The following STX18 variants were observed in gnomAD, a reference collection of about 807,000 sequenced individuals.
STX18 encodes the protein syntaxin-18.
A neutral mutation model predicts 50.1 loss-of-function variants in STX18; 40 were observed. The observed-to-expected ratio is 0.80, with a 90% CI of 0.62 to 1.04. The LOEUF (loss-of-function observed/expected upper bound fraction) is 1.04. Ranked by LOEUF, STX18 falls within the 50% of genes least tolerant of loss-of-function variation. STX18 has a pLI of 0.00. For missense variants in STX18, 410 were observed against 415.8 expected (o/e 0.99, Z 0.12); for synonymous variants, 158 against 151.8 (o/e 1.04, Z -0.30).
chr4:4,525,525 G>A (rs1208162207), intron 1 of STX18, among the ~76,000 whole-genome samples: 1 of 152,150 alleles, frequency 6.6e-6, no homozygotes, highest in African/African-American at 2.4e-5. Context: ...TGCCATGTAT[G>A]AATCCCTACT....
chr4:4,462,491 CAG>C (rs778025577), intron 2 of STX18, among the ~76,000 whole-genome samples: 55 of 152,164 alleles, frequency 3.6e-4, no homozygotes, highest in Middle Eastern at 3.2e-3. Flanking sequence ...GGGACCAAAA[CAG>C]GGGGTGGAGT....
chr4:4,459,089 C>A (rs963014164), intron 3 of STX18, among the ~76,000 whole-genome samples: 1 of 150,108 alleles, frequency 6.7e-6, no homozygotes, highest in Non-Finnish European at 1.5e-5. Context: ...CACACACACA[C>A]AAATTTGTCT....
chr4:4,483,898 G>A (rs1430721230), intron 1 of STX18, among the ~76,000 whole-genome samples: 1 of 151,680 alleles, frequency 6.6e-6, no homozygotes, highest in African/African-American at 2.4e-5. Context: ...TGTCGCTCCT[G>A]TTGCCCAGGC....
chr4:4,471,186 C>A (rs773230874), intron 2 of STX18, among the ~76,000 whole-genome samples: 3 of 152,124 alleles, frequency 2.0e-5, no homozygotes, highest in African/African-American at 7.2e-5. Flanking sequence ...CATGATCCAG[C>A]GACGTGAGGG....
chr4:4,430,832 G>A (rs1446003832), intron 7 of STX18, among the ~76,000 whole-genome samples: 2 of 152,168 alleles, frequency 1.3e-5, no homozygotes, highest in Non-Finnish European at 2.9e-5. Flanking sequence ...AGACAATTCT[G>A]TGGGGTATTG....
intron 1 of STX18, among the ~76,000 whole-genome samples, chr4:4,486,229 T>A (rs1419627907): frequency 6.6e-6 from 1 of 152,224 alleles, no homozygotes; most frequent in Non-Finnish European, 1.5e-5. Flanking sequence ...CTTTTATGCT[T>A]TCCAAAGCTT....
intron 1 of STX18, among the ~76,000 whole-genome samples, chr4:4,532,445 AAACAAC>A (rs372094545): frequency 0.041 from 6,263 of 152,042 alleles, 386 homozygotes; most frequent in African/African-American, 0.14. Context: ...CTAACTTTGA[AAACAAC>A]AACAACAACA....
At chr4:4,526,106 C>T (rs982117438) in intron 1 of STX18, among the ~76,000 whole-genome samples, 10 of 152,070 alleles carry the variant, frequency 6.6e-5, no homozygotes, top group African/African-American at 1.9e-4. Flanking sequence ...AGAATCTTTG[C>T]GTGGAGAATG....
chr4:4,533,840 C>T (rs556807187), intron 1 of STX18, among the ~76,000 whole-genome samples: 59 of 152,352 alleles, frequency 3.9e-4, no homozygotes, highest in African/African-American at 1.4e-3. Context: ...CTTTGACACA[C>T]TCCAGATTCT....
At chr4:4,541,334 G>A (rs1731583549) in intron 1 of STX18, among the ~76,000 whole-genome samples, 3 of 152,172 alleles carry the variant, frequency 2.0e-5, no homozygotes, top group South Asian at 2.1e-4. Flanking sequence ...CAGAGACAAA[G>A]GGAAGAAAGA....
chr4:4,490,706 T>G (rs993408401), intron 1 of STX18, among the ~76,000 whole-genome samples: 1 of 152,142 alleles, frequency 6.6e-6, no homozygotes, highest in Non-Finnish European at 1.5e-5. Context: ...ACAAAAAACT[T>G]CATCCATGTT....
At chr4:4,447,593 A>C (rs1273986898) in intron 5 of STX18, among the ~76,000 whole-genome samples, 1 of 12,074 alleles carries the variant, frequency 8.3e-5, no homozygotes. Flanking sequence ...TCCGTCTCAC[A>C]AAAAAAAAAA....
At chr4:4,462,120 C>T (rs1451287722) in intron 2 of STX18, among the ~76,000 whole-genome samples, 1 of 152,176 alleles carries the variant, frequency 6.6e-6, no homozygotes, top group Non-Finnish European at 1.5e-5. Flanking sequence ...TGATATGACA[C>T]GTGGGTCTCC....
chr4:4,509,525 C>G (rs1284517939), intron 1 of STX18, among the ~76,000 whole-genome samples: 1 of 151,890 alleles, frequency 6.6e-6, no homozygotes, highest in East Asian at 1.9e-4. Flanking sequence ...TGTCTTGTAA[C>G]AAAAATTTAA....
intron 1 of STX18, among the ~76,000 whole-genome samples, chr4:4,477,593 G>A (rs919136545): frequency 6.6e-6 from 1 of 152,114 alleles, no homozygotes; most frequent in African/African-American, 2.4e-5. Flanking sequence ...TGAGAAAACC[G>A]AGTCAGAGAG....
At chr4:4,455,575 G>A (rs966759645) in intron 5 of STX18, among the ~76,000 whole-genome samples, 5 of 152,198 alleles carry the variant, frequency 3.3e-5, no homozygotes, top group Admixed American at 6.5e-5. Context: ...ACAGCTCGCC[G>A]TGCCTGAACT....
At chr4:4,465,116 T>G (rs1027890609) in intron 2 of STX18, among the ~76,000 whole-genome samples, 4 of 152,218 alleles carry the variant, frequency 2.6e-5, no homozygotes, top group African/African-American at 9.6e-5. Flanking sequence ...TCCCAGAGAT[T>G]CTGGTAAGTT....
At chr4:4,456,980 CAG>C (rs1727110189) in intron 5 of STX18, among the ~76,000 whole-genome samples, 1 of 152,150 alleles carries the variant, frequency 6.6e-6, no homozygotes, top group Non-Finnish European at 1.5e-5. Context: ...AGGGAGGAAA[CAG>C]TACCTGCCTC....
intron 1 of STX18, among the ~76,000 whole-genome samples, chr4:4,498,460 C>T (rs189680735): frequency 6.6e-6 from 1 of 152,134 alleles, no homozygotes; most frequent in Non-Finnish European, 1.5e-5. Flanking sequence ...TGTTTTGTAT[C>T]TTCAATCCTC....
Sources: allele counts gnomAD v4.1 joint callset (sites outside exome capture counted in the v4.1 genomes callset), GRCh38; gene constraint gnomAD v4.1.1; transcripts MANE v1.5; gene names NCBI Gene and HGNC (gene_info 2026-07-23, HGNC 2026-07-21).